Variants in ASTN1 observed in about 807,000 individuals in gnomAD.
The protein encoded by ASTN1 is astrotactin 1, also known as astrotactin-1.
ASTN1 carries 41 observed loss-of-function variants against 140.7 expected under a neutral mutation model. The observed-to-expected ratio is 0.29, with a 90% CI of 0.23 to 0.38. The LOEUF (loss-of-function observed/expected upper bound fraction) is 0.38, where lower values mean the gene tolerates loss of function less well. ASTN1 is among the 10% of genes least tolerant of loss of function. ASTN1 has a pLI of 1.00. For missense variants in ASTN1, 1,479 were observed against 1,678.8 expected, an observed-to-expected ratio of 0.88 and a Z score of 2.08; for synonymous variants, 640 against 652.2, an observed-to-expected ratio of 0.98 and a Z score of 0.29.
chr1:177,067,496 T>A (rs927426556), intron 1 of ASTN1, among the ~76,000 whole-genome samples: 2 of 152,296 alleles, frequency 1.3e-5, no homozygotes, highest in South Asian at 4.2e-4. Flanking sequence ...TTTTTTTCCT[T>A]CTAATTTCAG....
intron 1 of ASTN1, among the ~76,000 whole-genome samples, chr1:177,136,952 G>T (rs1443416886): frequency 6.6e-6 from 1 of 152,114 alleles, no homozygotes; most frequent in Non-Finnish European, 1.5e-5. Flanking sequence ...TTTGTTGTGT[G>T]GGCTGCCCTA....
rs1571425211 is a variant in ASTN1 at position 176,863,217 on chromosome 1, A to C, written c.*1067T>G. Reference sequence around the variant, plus strand: ...GGTCATCAGAGAAACGATTTGCAAAACTAGCAACACAAGCAAATTTAGCAA... The same window carrying C: ...GGTCATCAGAGAAACGATTTGCAAACCTAGCAACACAAGCAAATTTAGCAA... On this transcript the variant is annotated 3_prime_UTR_variant, in exon 23 of 23. Coordinates refer to ENST00000361833, the MANE Select transcript of ASTN1 (RefSeq NM_004319.3). The C allele has an allele frequency of 1.0e-6, 1 of 985,920 alleles. No individual in the cohort carries two copies. The highest frequency in any genetic ancestry group is 1.2e-6 in the Non-Finnish European group (1 of 829,942). The allele number at this position is 985,920 out of a possible 1,614,324, so 61.1% of individuals were successfully genotyped here.
chr1:176,918,406 A>G (rs1274394232), intron 16 of ASTN1, among the ~76,000 whole-genome samples: 1 of 152,144 alleles, frequency 6.6e-6, no homozygotes, highest in Non-Finnish European at 1.5e-5. Context: ...AGATATCTCT[A>G]TGGTAGCTCA....
chr1:177,020,436 T>G (rs1311702313), intron 7 of ASTN1, among the ~76,000 whole-genome samples: 1 of 152,168 alleles, frequency 6.6e-6, no homozygotes, highest in Middle Eastern at 3.2e-3. Context: ...TCATGCCTCC[T>G]TCCTCCATAT....
chr1:177,014,658 A>C, intron 8 of ASTN1, 133 bp downstream of exon 8: 1 of 729,044 alleles, frequency 1.4e-6, no homozygotes, highest in Non-Finnish European at 2.3e-6. Context: ...GCATAGTGAC[A>C]TTTTTACCCA....
rs540887205 is a variant in ASTN1, at chr1:176,906,608, C to T, written c.2672-11778G>A. Among the ~76,000 whole-genome samples, 49 of 152,110 alleles carry T rather than the reference C, an allele frequency of 3.2e-4. 1 individual carries two copies. Among genetic ancestry groups the T allele is most frequent in the South Asian group, 2.5e-3 (12 of 4,812 alleles). On this transcript the variant is annotated intron_variant, in intron 16 of 22. Coordinates refer to ENST00000361833, the MANE Select transcript of ASTN1 (RefSeq NM_004319.3). ...GTGGTTCATGCCTGTAATCCTAGCACTTTAGGAGGCTGAGGTGGGCAGATC... is the reference window on the plus strand; with the variant it reads ...GTGGTTCATGCCTGTAATCCTAGCATTTTAGGAGGCTGAGGTGGGCAGATC...
intron 16 of ASTN1, among the ~76,000 whole-genome samples, chr1:176,922,661 T>C (rs1181159962): frequency 1.3e-5 from 2 of 151,802 alleles, no homozygotes; most frequent in Non-Finnish European, 2.9e-5. Flanking sequence ...CTGAACATGG[T>C]TGGCAAAGGA....
intron 8 of ASTN1, among the ~76,000 whole-genome samples, chr1:177,008,580 A>AAAGAAGAAGGAGGAGGAAGAG (rs1353000432): frequency 6.3e-4 from 94 of 150,362 alleles, no homozygotes; most frequent in Middle Eastern, 3.5e-3. Flanking sequence ...GAAGAGAGAG[A>AAAGAAGAAGGAGGAGGAAGAG]AAGAAGAAGG....
chr1:176,997,613 T>C (rs965913418), intron 8 of ASTN1, among the ~76,000 whole-genome samples: 11 of 151,960 alleles, frequency 7.2e-5, no homozygotes, highest in Non-Finnish European at 1.3e-4. Flanking sequence ...ACACTAGAAA[T>C]CTCACCAGTA....
At position 176,942,820 on chromosome 1, in the gene ASTN1, GTATATATATATATATGTATATATATA is replaced by G. The variant is rs1300454827; in HGVS notation, c.2377+1045_2377+1070del. ...CCAAACCAATGTACTTTGTGTGTGT[GTATATATATATATATGTATATATATA>G]TATATATATATATATATATAGATTG... On this transcript the variant is annotated intron_variant, in intron 14 of 22. Transcript: ENST00000361833. Among the ~76,000 whole-genome samples the G allele has an allele frequency of 1.6e-3, 41 of 25,320 alleles. 3 individuals carry two copies. The highest frequency in any genetic ancestry group is 8.3e-3 in the Admixed American group (15 of 1,810). 16.6% of individuals were successfully genotyped at this position (25,320 alleles called of 152,430 possible).
intron 1 of ASTN1, among the ~76,000 whole-genome samples, chr1:177,088,883 T>C (rs1220486102): frequency 6.6e-6 from 1 of 152,176 alleles, no homozygotes; most frequent in African/African-American, 2.4e-5. Context: ...CTTTCCTCAA[T>C]AAAACAGGGT....
At chr1:177,154,338 T>C (rs1329919222) in intron 1 of ASTN1, among the ~76,000 whole-genome samples, 1 of 152,186 alleles carries the variant, frequency 6.6e-6, no homozygotes, top group Non-Finnish European at 1.5e-5. Flanking sequence ...TGGTAGTCAC[T>C]AGCCACATGA....
chr1:177,109,930 T>G (rs543407203), intron 1 of ASTN1, among the ~76,000 whole-genome samples: 30 of 152,346 alleles, frequency 2.0e-4, no homozygotes, highest in African/African-American at 6.5e-4. Context: ...CACTGATTTT[T>G]CTATTCCTTG....
At chr1:176,880,145 G>A (rs1668734871) in intron 20 of ASTN1, among the ~76,000 whole-genome samples, 1 of 152,138 alleles carries the variant, frequency 6.6e-6, no homozygotes, top group African/African-American at 2.4e-5. Context: ...CTGCTGCCTG[G>A]CTGGGATTGT....
chr1:177,138,518 G>A (rs1682304476), intron 1 of ASTN1, among the ~76,000 whole-genome samples: 1 of 152,170 alleles, frequency 6.6e-6, no homozygotes, highest in South Asian at 2.1e-4. Context: ...AGAGGCTGCT[G>A]ACCCAGATAT....
At chr1:177,128,688 T>C (rs1320725973) in intron 1 of ASTN1, among the ~76,000 whole-genome samples, 4 of 152,196 alleles carry the variant, frequency 2.6e-5, no homozygotes, top group Admixed American at 2.6e-4. Flanking sequence ...GGTCTTTGGG[T>C]ATTAGACAAG....
At chr1:177,006,926 T>C (rs1199365713) in intron 8 of ASTN1, among the ~76,000 whole-genome samples, 1 of 152,230 alleles carries the variant, frequency 6.6e-6, no homozygotes, top group Non-Finnish European at 1.5e-5. Context: ...ATCTCCCATC[T>C]ACAGCTGATC....
intron 11 of ASTN1, among the ~76,000 whole-genome samples, chr1:176,949,729 G>T (rs116184501): frequency 0.011 from 1,656 of 152,352 alleles, 34 homozygotes; most frequent in African/African-American, 0.035. Flanking sequence ...CTGGGCTACA[G>T]GAAGGAAGTG....
intron 2 of ASTN1, among the ~76,000 whole-genome samples, chr1:177,034,194 G>T (rs1232623124): frequency 6.6e-6 from 1 of 150,998 alleles, no homozygotes; most frequent in Non-Finnish European, 1.5e-5. Flanking sequence ...TTCTTTCCCT[G>T]AAAATCTTCC....
Sources: allele counts gnomAD v4.1 joint callset (sites outside exome capture counted in the v4.1 genomes callset), GRCh38; gene constraint gnomAD v4.1.1; transcripts MANE v1.5; gene names NCBI Gene and HGNC (gene_info 2026-07-23, HGNC 2026-07-21).